PRDM16: variants seen among roughly 807,000 people sequenced by gnomAD.
The protein encoded by PRDM16 is histone-lysine N-methyltransferase PRDM16.
Under a neutral mutation model 110.6 loss-of-function variants are expected in PRDM16, and 23 were observed. The ratio of observed to expected loss-of-function variants is 0.21; its 90% CI spans 0.15 to 0.29. PRDM16 has a LOEUF of 0.29. Ranked by LOEUF, PRDM16 falls within the 10% of genes least tolerant of loss-of-function variation. The probability of loss-of-function intolerance (pLI) is 1.00; values close to 1 mark genes in which losing one functional copy is unlikely to be tolerated. For missense variants in PRDM16, 1,615 were observed against 1,794.3 expected (o/e 0.90, Z 1.81); for synonymous variants, 799 against 781.8 (o/e 1.02, Z -0.37).
chr1:3,400,645 G>T (rs533520891), intron 5 of PRDM16, among the ~76,000 whole-genome samples: 1 of 152,178 alleles, frequency 6.6e-6, no homozygotes, highest in Admixed American at 6.5e-5. Context: ...GGTGTGGACC[G>T]CAGTCCTGTG....
rs1018594007 is a variant in PRDM16, at chr1:3,398,409, G to A, written c.676+1816G>A. ...TCAAGATCATGCCTCCCCAATAGCCGCCTCCCCCACCAGTTAAACTCTGAA... is the reference window on the plus strand; with the variant it reads ...TCAAGATCATGCCTCCCCAATAGCCACCTCCCCCACCAGTTAAACTCTGAA... On this transcript the variant is annotated intron_variant, in intron 5 of 16. Transcript: ENST00000270722. Among the ~76,000 whole-genome samples, 14 of 152,092 alleles carry A rather than the reference G, an allele frequency of 9.2e-5. No homozygotes were observed. In the East Asian group the frequency reaches 1.7e-3, roughly 19 times the overall value.
At chr1:3,199,627 C>T (rs1317732888) in intron 2 of PRDM16, among the ~76,000 whole-genome samples, 2 of 152,182 alleles carry the variant, frequency 1.3e-5, no homozygotes, top group Non-Finnish European at 2.9e-5. Context: ...CTGCCGGGCC[C>T]CCTCAAAGCA....
At chr1:3,315,812 C>T (rs1253093962) in intron 3 of PRDM16, among the ~76,000 whole-genome samples, 1 of 152,136 alleles carries the variant, frequency 6.6e-6, no homozygotes, top group Non-Finnish European at 1.5e-5. Flanking sequence ...TCGGAGACTC[C>T]CACAGGTCAC....
At chr1:3,171,801 T>C (rs1032130601) in intron 1 of PRDM16, among the ~76,000 whole-genome samples, 2 of 151,994 alleles carry the variant, frequency 1.3e-5, no homozygotes, top group African/African-American at 4.8e-5. Flanking sequence ...AGCCTCCGGG[T>C]GAGAGGTGAC....
intron 1 of PRDM16, among the ~76,000 whole-genome samples, chr1:3,140,791 G>A (rs995361473): frequency 2.0e-5 from 3 of 152,160 alleles, no homozygotes; most frequent in South Asian, 2.1e-4. Context: ...GAGGGGTCCC[G>A]CCTCCGTTTC....
intron 3 of PRDM16, among the ~76,000 whole-genome samples, chr1:3,288,671 G>T (rs1640909409): frequency 6.6e-6 from 1 of 152,126 alleles, no homozygotes; most frequent in South Asian, 2.1e-4. Flanking sequence ...CTCTAAAGAT[G>T]CAAACCTCCA....
At chr1:3,125,037 A>T (rs148250601) in intron 1 of PRDM16, among the ~76,000 whole-genome samples, 1 of 152,268 alleles carries the variant, frequency 6.6e-6, no homozygotes, top group East Asian at 1.9e-4. Context: ...GGCTCTTTGC[A>T]TGTCTCTGGG....
intron 1 of PRDM16, among the ~76,000 whole-genome samples, chr1:3,163,033 G>C (rs368735444): frequency 5.4e-4 from 10 of 18,582 alleles, no homozygotes; most frequent in South Asian, 3.2e-3. Flanking sequence ...GAGGGGATGT[G>C]CGCAGAAGCC....
At chr1:3,181,793 T>TCTTACACAC (rs1644206034) in intron 1 of PRDM16, among the ~76,000 whole-genome samples, 4 of 58,840 alleles carry the variant, frequency 6.8e-5, no homozygotes, top group South Asian at 5.0e-4. Context: ...GTCTTACACA[T>TCTTACACAC]GCAGTCTTAC....
rs192420997 is a variant in PRDM16 at position 3,241,387 on chromosome 1, G to A, written c.388-2700G>A. On this transcript the variant is annotated intron_variant, in intron 2 of 16. Coordinates refer to ENST00000270722, the MANE Select transcript of PRDM16 (RefSeq NM_022114.4). The stretch of plus-strand genomic sequence containing the variant: ...AGCCCACACCCTCAGCCCGAAGGGG[G>A]CCCAGGCCCCGTGCCCAGAGGATCC... Among the ~76,000 whole-genome samples, 527 of 152,364 alleles carry A rather than the reference G, an allele frequency of 3.5e-3. 4 individuals are homozygous for A. The highest frequency in any genetic ancestry group is 0.012 in the African/African-American group (484 of 41,586).
rs1643591072 is a variant in PRDM16, at chr1:3,143,498, G to GA, written c.38-42626dup. 6.6e-6 allele frequency among the ~76,000 whole-genome samples: 1 copy of GA among 152,142 alleles called. No individual in the cohort carries two copies. Among genetic ancestry groups the GA allele is most frequent in the Non-Finnish European group, 1.5e-5 (1 of 68,034 alleles). On this transcript the variant is annotated intron_variant, in intron 1 of 16. Coordinates refer to ENST00000270722, the MANE Select transcript of PRDM16 (RefSeq NM_022114.4). The surrounding 1 kb of genome is among the most constrained non-coding windows in gnomAD (Gnocchi z 4.5). ...AGTATTATTATTATCATTTTTGTGA[G>GA]ATGGAGTCTTGCTCTGTCACCCAGG...
intron 1 of PRDM16, among the ~76,000 whole-genome samples, chr1:3,164,680 C>A (rs545177684): frequency 1.3e-5 from 2 of 152,126 alleles, no homozygotes; most frequent in African/African-American, 4.8e-5. Context: ...TAGGAGGCGG[C>A]GTGGTCGAGC....
intron 1 of PRDM16, among the ~76,000 whole-genome samples, chr1:3,158,514 G>A (rs1643874525): frequency 6.6e-6 from 1 of 152,042 alleles, no homozygotes; most frequent in South Asian, 2.1e-4. Flanking sequence ...TTTTTGCTGA[G>A]TCATTTGAAT....
At chr1:3,304,205 C>G (rs1253748923) in intron 3 of PRDM16, among the ~76,000 whole-genome samples, 1 of 147,274 alleles carries the variant, frequency 6.8e-6, no homozygotes, top group South Asian at 2.2e-4. Flanking sequence ...GGACCCCAGC[C>G]AAGCCCTGGT....
intron 3 of PRDM16, among the ~76,000 whole-genome samples, chr1:3,254,111 T>C (rs1179534627): frequency 6.6e-6 from 1 of 152,222 alleles, no homozygotes; most frequent in Admixed American, 6.5e-5. Flanking sequence ...TATTAGCCCT[T>C]TGTCAAATGA....
chr1:3,387,952 G>A (rs1339477832), intron 4 of PRDM16, among the ~76,000 whole-genome samples: 1 of 152,244 alleles, frequency 6.6e-6, no homozygotes, highest in Non-Finnish European at 1.5e-5. Context: ...CTCGCGCGCT[G>A]TGACGGCTGT....
At chr1:3,125,907 A>G (rs945183728) in intron 1 of PRDM16, among the ~76,000 whole-genome samples, 5 of 152,230 alleles carry the variant, frequency 3.3e-5, no homozygotes, top group Non-Finnish European at 5.9e-5. Context: ...GGGCTGTTAC[A>G]GGCATAATGA....
At chr1:3,355,331 C>T (rs1388746070) in intron 3 of PRDM16, among the ~76,000 whole-genome samples, 2 of 152,108 alleles carry the variant, frequency 1.3e-5, no homozygotes, top group African/African-American at 4.8e-5. Flanking sequence ...ACCCACCCAC[C>T]CACCATCTGA....
chr1:3,410,228 C>A (rs1277189153), intron 8 of PRDM16, among the ~76,000 whole-genome samples: 1 of 152,028 alleles, frequency 6.6e-6, no homozygotes, highest in East Asian at 1.9e-4. Flanking sequence ...AGGCAAAAGA[C>A]AAGCTGGTGA....
Sources: allele counts gnomAD v4.1 joint callset (sites outside exome capture counted in the v4.1 genomes callset), GRCh38; gene constraint gnomAD v4.1.1; non-coding constraint Gnocchi (gnomAD v3.1); transcripts MANE v1.5; gene names NCBI Gene and HGNC (gene_info 2026-07-23, HGNC 2026-07-21).